Variants in USH2A observed in about 807,000 individuals in gnomAD.
USH2A encodes the protein usherin, also known as Usher syndrome 2A (autosomal recessive, mild).
A neutral mutation model predicts 538.9 loss-of-function variants in USH2A; 443 were observed. That is an observed-to-expected ratio of 0.82 (90% CI 0.76 to 0.89). The LOEUF (loss-of-function observed/expected upper bound fraction) is 0.89. Ranked by LOEUF, USH2A falls within the 40% of genes least tolerant of loss-of-function variation. The pLI, the probability that USH2A is intolerant of heterozygous loss-of-function variation, is 0.00. For missense variants in USH2A, 6,633 were observed against 6,324.8 expected (o/e 1.05, Z -1.65); for synonymous variants, 2,413 against 2,273.5 (o/e 1.06, Z -1.75).
intron 44 of USH2A, among the ~76,000 whole-genome samples, chr1:215,846,643 TA>T (rs1483291155): frequency 6.6e-6 from 1 of 152,210 alleles, no homozygotes; most frequent in Non-Finnish European, 1.5e-5. Flanking sequence ...TTGCTACTTA[TA>T]ATTATTCAAT....
intron 21 of USH2A, among the ~76,000 whole-genome samples, chr1:216,171,628 T>C (rs900026696): frequency 5.9e-5 from 9 of 152,032 alleles, no homozygotes; most frequent in Non-Finnish European, 1.2e-4. Context: ...GTTTAATGAG[T>C]ACTAAATAAT....
At chr1:215,807,831 TA>T (rs1000100440) in intron 49 of USH2A, among the ~76,000 whole-genome samples, 1 of 152,110 alleles carries the variant, frequency 6.6e-6, no homozygotes, top group African/African-American at 2.4e-5. Context: ...CTTTGTCATT[TA>T]AAGGAGGCCT....
rs185308297 is a variant in USH2A at position 215,632,724 on chromosome 1, T to G, written c.15297+1735A>C. Among the ~76,000 whole-genome samples the G allele has an allele frequency of 1.2e-3, 177 of 152,336 alleles. 1 individual carries two copies. The highest frequency in any genetic ancestry group is 4.2e-3 in the African/African-American group (173 of 41,586). On this transcript the variant is annotated intron_variant, in intron 70 of 71. Transcript: ENST00000307340. ...CCAGGCTAAACAGATCTCTCCTGCC[T>G]TCTTTTCTCTCTTCCACTGCCTTCC...
At chr1:215,747,854 C>T (rs1276687659) in intron 58 of USH2A, among the ~76,000 whole-genome samples, 1 of 151,412 alleles carries the variant, frequency 6.6e-6, no homozygotes. Context: ...TTTGAAGCCA[C>T]AGGTTTTTTG....
At chr1:216,314,340 C>G (rs1406760998) in intron 9 of USH2A, among the ~76,000 whole-genome samples, 1 of 152,058 alleles carries the variant, frequency 6.6e-6, no homozygotes, top group Non-Finnish European at 1.5e-5. Context: ...AAAGAAAATT[C>G]TTTACCTTGA....
chr1:216,097,301 T>C, intron 21 of USH2A, 88 bp from the exon 22 acceptor site: 1 of 1,606,046 alleles, frequency 6.2e-7, no homozygotes. Flanking sequence ...TTATTATTTA[T>C]GATGTAGTGA....
At chr1:216,340,856 G>A (rs1454810217) in intron 4 of USH2A, among the ~76,000 whole-genome samples, 1 of 151,990 alleles carries the variant, frequency 6.6e-6, no homozygotes, top group East Asian at 1.9e-4. Flanking sequence ...AAAATAATAA[G>A]AGCTATTTAT....
At chr1:215,649,567 C>T (rs942000439) in intron 65 of USH2A, among the ~76,000 whole-genome samples, 1 of 152,186 alleles carries the variant, frequency 6.6e-6, no homozygotes, top group Admixed American at 6.5e-5. Flanking sequence ...ATTGTATTTA[C>T]ATCATCTATA....
At chr1:216,386,526 A>C (rs1375001069) in intron 3 of USH2A, among the ~76,000 whole-genome samples, 1 of 103,596 alleles carries the variant, frequency 9.7e-6, no homozygotes, top group South Asian at 3.5e-4. Context: ...CAAACAAAAA[A>C]CAAAAACCAA....
In USH2A at chr1:215,963,716, G is replaced by C. The variant is rs139192852; in HGVS notation, c.7120+1601C>G. ...ACAGAACTAGTCAATATTTAATAAT[G>C]CTTGCCTTGGTCTGGAGTCCCTTGA... is the stretch of plus-strand genomic sequence containing the variant. On this transcript the variant is annotated intron_variant, in intron 37 of 71. Coordinates refer to ENST00000307340, the MANE Select transcript of USH2A (RefSeq NM_206933.4). Among the ~76,000 whole-genome samples the C allele has an allele frequency of 2.5e-4, 38 of 152,134 alleles. 1 individual carries two copies. Among genetic ancestry groups the C allele is most frequent in the African/African-American group, 9.2e-4 (38 of 41,520 alleles).
chr1:215,700,774 A>G (rs1029687707), intron 61 of USH2A, among the ~76,000 whole-genome samples: 5 of 151,852 alleles, frequency 3.3e-5, no homozygotes, highest in African/African-American at 1.2e-4. Context: ...GGATTTATCG[A>G]TTTTTTGAAG....
In USH2A at chr1:215,802,159, T is replaced by TA. The variant is rs1190974068; in HGVS notation, c.9740-3035dup. On this transcript the variant is annotated intron_variant, in intron 49 of 71. Transcript: ENST00000307340. The stretch of plus-strand genomic sequence containing the variant: ...AGATCTAGATGTAAAAGCTAAAACT[T>TA]ACAATTCTTAGACGAAAGCAAAGGG... Among the ~76,000 whole-genome samples the TA allele has an allele frequency of 3.9e-5, 6 of 152,022 alleles. No individual in the cohort carries two copies. In the East Asian group the frequency reaches 1.2e-3, roughly 29 times the overall value.
chr1:216,132,171 C>T (rs1192428604), intron 21 of USH2A, among the ~76,000 whole-genome samples: 1 of 152,062 alleles, frequency 6.6e-6, no homozygotes, highest in Non-Finnish European at 1.5e-5. Context: ...AGAGAAGAGG[C>T]ATTACCTTAC....
At chr1:216,268,716 C>T (rs974707091) in intron 11 of USH2A, among the ~76,000 whole-genome samples, 14 of 152,086 alleles carry the variant, frequency 9.2e-5, no homozygotes, top group African/African-American at 2.7e-4. Context: ...ATCAGGGGTG[C>T]TTCCACCTTA....
intron 38 of USH2A, among the ~76,000 whole-genome samples, chr1:215,912,185 C>T (rs1046497300): frequency 5.3e-5 from 8 of 151,850 alleles, no homozygotes; most frequent in African/African-American, 1.9e-4. Flanking sequence ...CTTTGCTGTA[C>T]AGAAGATTTT....
intron 16 of USH2A, among the ~76,000 whole-genome samples, chr1:216,206,594 C>T (rs927557572): frequency 6.6e-6 from 1 of 152,136 alleles, no homozygotes; most frequent in African/African-American, 2.4e-5. Context: ...GGTCACAGAC[C>T]AGTACCTGTC....
At chr1:215,762,972 T>C (rs1353680950) in intron 56 of USH2A, among the ~76,000 whole-genome samples, 1 of 152,226 alleles carries the variant, frequency 6.6e-6, no homozygotes, top group African/African-American at 2.4e-5. Flanking sequence ...TATTACCCAC[T>C]TCTCATGTCC....
chr1:216,369,937 A>C (rs1185069335), intron 3 of USH2A, among the ~76,000 whole-genome samples: 4 of 126,066 alleles, frequency 3.2e-5, no homozygotes, highest in African/African-American at 1.1e-4. Context: ...AAAAAAAAAA[A>C]AAAAGTATGT....
chr1:215,796,045 T>C (rs1662124349), intron 50 of USH2A, among the ~76,000 whole-genome samples: 1 of 152,214 alleles, frequency 6.6e-6, no homozygotes, highest in South Asian at 2.1e-4. Flanking sequence ...GACATTGTGT[T>C]ATATTTTTGC....
Sources: gnomAD v4.1 joint callset for allele counts (sites outside exome capture counted in the v4.1 genomes callset) on GRCh38, gnomAD v4.1.1 for gene constraint, MANE v1.5 for transcripts, NCBI Gene and HGNC (gene_info 2026-07-23, HGNC 2026-07-21) for gene names.